Variants in PLEKHA5 observed in about 807,000 individuals in gnomAD.
The protein encoded by PLEKHA5 is pleckstrin homology domain containing A5, also known as pleckstrin homology domain-containing family A member 5.
In PLEKHA5, 55 loss-of-function variants were observed where a neutral mutation model predicts 181.9. The observed-to-expected ratio is 0.30, with a 90% CI of 0.24 to 0.38. The LOEUF is 0.38. Among genes scored for constraint, PLEKHA5 ranks in the 10% least tolerant of loss-of-function variants. The probability of loss-of-function intolerance (pLI) is 1.00; values close to 1 mark genes in which losing one functional copy is unlikely to be tolerated. For missense variants in PLEKHA5, 1,432 were observed against 1,549.5 expected (o/e 0.92, Z 1.27); for synonymous variants, 535 against 529.4 (o/e 1.01, Z -0.15).
intron 3 of PLEKHA5, among the ~76,000 whole-genome samples, chr12:19,211,656 C>CA (rs146274640): frequency 2.0e-5 from 3 of 151,844 alleles, no homozygotes; most frequent in East Asian, 1.9e-4. Flanking sequence ...GACCTAGTCA[C>CA]AAAAAAAATT....
At chr12:19,297,389 G>A (rs2080115331) in intron 15 of PLEKHA5, among the ~76,000 whole-genome samples, 2 of 151,158 alleles carry the variant, frequency 1.3e-5, no homozygotes, top group South Asian at 2.1e-4. Context: ...TTGGGAGGCC[G>A]AGGCAGGTGG....
intron 11 of PLEKHA5, among the ~76,000 whole-genome samples, chr12:19,282,319 T>C (rs903435946): frequency 6.6e-6 from 1 of 152,210 alleles, no homozygotes; most frequent in African/African-American, 2.4e-5. Context: ...CTGGAAACTT[T>C]GCAAAATTGC....
At chr12:19,197,762 C>CT (rs1214557368) in intron 3 of PLEKHA5, among the ~76,000 whole-genome samples, 1 of 149,088 alleles carries the variant, frequency 6.7e-6, no homozygotes, top group African/African-American at 2.5e-5. Context: ...TTCCAAGGCT[C>CT]TTTTTACACC....
intron 15 of PLEKHA5, among the ~76,000 whole-genome samples, chr12:19,305,558 CAAAA>C (rs35582080): frequency 2.6e-5 from 3 of 117,412 alleles, no homozygotes; most frequent in Admixed American, 8.6e-5. Context: ...GACTGTGTCT[CAAAA>C]AAAAAAAAAA....
At chr12:19,343,920 C>T (rs542319909) in intron 22 of PLEKHA5, among the ~76,000 whole-genome samples, 5 of 151,952 alleles carry the variant, frequency 3.3e-5, no homozygotes, top group South Asian at 2.1e-4. Context: ...GGCATGGTGG[C>T]GCATGCCTGT....
intron 3 of PLEKHA5, among the ~76,000 whole-genome samples, chr12:19,226,881 C>T (rs1406405534): frequency 6.6e-6 from 1 of 151,858 alleles, no homozygotes; most frequent in East Asian, 1.9e-4. Context: ...AAATATTTAG[C>T]CAATTTAGGA....
intron 21 of PLEKHA5, among the ~76,000 whole-genome samples, chr12:19,338,735 G>A (rs545752449): frequency 1.3e-5 from 2 of 151,492 alleles, no homozygotes; most frequent in Admixed American, 6.6e-5. Flanking sequence ...TCAGTAATCA[G>A]CTACAATAAT....
chr12:19,260,110 A>G (rs2068019827), intron 6 of PLEKHA5, among the ~76,000 whole-genome samples: 2 of 152,290 alleles, frequency 1.3e-5, no homozygotes, highest in East Asian at 1.9e-4. Context: ...ATAGCTGCCA[A>G]AAAGTCTCTC....
chr12:19,353,209 C>T (rs189465411), intron 25 of PLEKHA5, among the ~76,000 whole-genome samples: 11 of 151,874 alleles, frequency 7.2e-5, no homozygotes, highest in East Asian at 3.9e-4. Flanking sequence ...GCTGGAGTGC[C>T]GTGGCGCTAT....
At chr12:19,155,339 TCAAGTC>T (rs1290048033) in intron 3 of PLEKHA5, among the ~76,000 whole-genome samples, 1 of 152,224 alleles carries the variant, frequency 6.6e-6, no homozygotes, top group African/African-American at 2.4e-5. Context: ...AATCATGAAC[TCAAGTC>T]CATTTATTTA....
intron 20 of PLEKHA5, among the ~76,000 whole-genome samples, chr12:19,324,171 TG>T: frequency 6.6e-6 from 1 of 152,326 alleles, no homozygotes; most frequent in South Asian, 2.1e-4. Flanking sequence ...CTTTCCAGGC[TG>T]GCAAGATCCC....
At chr12:19,167,689 C>T (rs962558972) in intron 3 of PLEKHA5, among the ~76,000 whole-genome samples, 9 of 151,868 alleles carry the variant, frequency 5.9e-5, no homozygotes, top group East Asian at 1.9e-4. Context: ...TAGACATGGT[C>T]GTTGTACTTA....
At position 19,283,265 on chromosome 12, in the gene PLEKHA5, A is replaced by G. The variant is rs748550536; in HGVS notation, c.1314-15A>G. 4.0e-6 allele frequency: 6 copies of G among 1,501,458 alleles called. No homozygotes were observed. In the Admixed American group the frequency reaches 7.7e-5, roughly 19 times the overall value. The allele number at this position is 1,501,458 out of a possible 1,614,324, so 93.0% of individuals were successfully genotyped here. On this transcript the variant is annotated splice_polypyrimidine_tract_variant and intron_variant, in intron 11 of 31. Coordinates refer to ENST00000429027, the MANE Select transcript of PLEKHA5 (RefSeq NM_001256470.2). ...CCTCCTTCATGTTTACATTTTAATT[A>G]TTTTTTTATTTTAGAGTAATTTCTT... is the stretch of plus-strand genomic sequence containing the variant.
intron 3 of PLEKHA5, among the ~76,000 whole-genome samples, chr12:19,217,067 G>A (rs1192027623): frequency 6.6e-6 from 1 of 152,182 alleles, no homozygotes; most frequent in African/African-American, 2.4e-5. Flanking sequence ...ATATTAGACT[G>A]GTTTTGACCT....
chr12:19,228,432 TTC>T (rs35581919), intron 3 of PLEKHA5, among the ~76,000 whole-genome samples: 83,188 of 151,970 alleles, frequency 0.55, 26,731 homozygotes, highest in Non-Finnish European at 0.74. Flanking sequence ...ATTTATATTT[TTC>T]TCTGTTTTTT....
At chr12:19,352,333 C>T (rs1227623744) in intron 25 of PLEKHA5, among the ~76,000 whole-genome samples, 2 of 150,606 alleles carry the variant, frequency 1.3e-5, no homozygotes, top group East Asian at 2.0e-4. Context: ...TGCAGTGAGC[C>T]GAGATCGTGC....
At chr12:19,354,297 G>T (rs1310554059) in intron 26 of PLEKHA5, among the ~76,000 whole-genome samples, 2 of 147,756 alleles carry the variant, frequency 1.4e-5, no homozygotes, top group African/African-American at 5.0e-5. Flanking sequence ...GACTACAGGC[G>T]CCCGCCACCA....
chr12:19,259,783 T>C (rs2067893782), intron 6 of PLEKHA5, among the ~76,000 whole-genome samples: 1 of 78,026 alleles, frequency 1.3e-5, no homozygotes, highest in African/African-American at 3.6e-5. Context: ...TCATTTGCCA[T>C]TTAATTTTTT....
chr12:19,237,495 A>G (rs1030301726), intron 3 of PLEKHA5, among the ~76,000 whole-genome samples: 3 of 63,792 alleles, frequency 4.7e-5, no homozygotes, highest in African/African-American at 9.7e-5. Flanking sequence ...AACAGTATGC[A>G]TTATGTAATT....
Sources: gnomAD v4.1 joint callset for allele counts (sites outside exome capture counted in the v4.1 genomes callset) on GRCh38, gnomAD v4.1.1 for gene constraint, MANE v1.5 for transcripts, NCBI Gene and HGNC (gene_info 2026-07-23, HGNC 2026-07-21) for gene names.